EPHA6: variants seen among roughly 807,000 people sequenced by gnomAD.
EPHA6 encodes the protein ephrin type-A receptor 6.
A neutral mutation model predicts 112.0 loss-of-function variants in EPHA6; 50 were observed. The observed-to-expected ratio is 0.45, with a 90% CI of 0.36 to 0.56. The LOEUF (loss-of-function observed/expected upper bound fraction) is 0.56, where lower values mean the gene tolerates loss of function less well. Ranked by LOEUF, EPHA6 falls within the 20% of genes least tolerant of loss-of-function variation. The probability of loss-of-function intolerance (pLI) is 0.00; values close to 1 mark genes in which losing one functional copy is unlikely to be tolerated. For synonymous variants in EPHA6, 529 were observed against 490.7 expected, an observed-to-expected ratio of 1.08 and a Z score of -1.03; for missense variants, 1,280 against 1,417.4, an observed-to-expected ratio of 0.90 and a Z score of 1.56.
At chr3:96,952,945 G>T (rs1045735112) in intron 2 of EPHA6, among the ~76,000 whole-genome samples, 8 of 152,042 alleles carry the variant, frequency 5.3e-5, no homozygotes, top group Non-Finnish European at 1.0e-4. Flanking sequence ...GAAATAATCT[G>T]TTCAACAAAC....
chr3:97,029,808 G>A (rs1404930539), intron 3 of EPHA6, among the ~76,000 whole-genome samples: 2 of 152,054 alleles, frequency 1.3e-5, no homozygotes, highest in African/African-American at 4.8e-5. Context: ...AAATATGAAG[G>A]CACTATTTTT....
intron 5 of EPHA6, among the ~76,000 whole-genome samples, chr3:97,312,609 CA>C (rs1361533884): frequency 2.6e-5 from 4 of 151,496 alleles, no homozygotes; most frequent in African/African-American, 9.7e-5. Context: ...AAGGGATAAT[CA>C]ATCTATATAC....
intron 12 of EPHA6, among the ~76,000 whole-genome samples, chr3:97,596,777 C>CACAT (rs1325204644): frequency 9.4e-6 from 1 of 106,210 alleles, no homozygotes; most frequent in Non-Finnish European, 1.9e-5. Flanking sequence ...AACTCATATA[C>CACAT]ATATATATAT....
intron 5 of EPHA6, among the ~76,000 whole-genome samples, chr3:97,362,279 T>C (rs1465018867): frequency 1.3e-5 from 2 of 152,132 alleles, no homozygotes; most frequent in Non-Finnish European, 2.9e-5. Flanking sequence ...ATATTCAGTA[T>C]TGCCAATCAG....
rs2035864952 is a variant in EPHA6 at position 97,750,261 on chromosome 3, A to C, written c.*1560A>C. ...TGGTGCCCTACCTACCCTAATTCTC[A>C]AATTCCTATCTAAATTCATTTTTTG... On this transcript the variant is annotated 3_prime_UTR_variant, in exon 18 of 18. Transcript: ENST00000389672. Among the ~76,000 whole-genome samples the C allele has an allele frequency of 6.6e-6, 1 of 151,588 alleles. No individual in the cohort carries two copies. The highest frequency in any genetic ancestry group is 1.5e-5 in the Non-Finnish European group (1 of 67,924).
At chr3:96,930,259 A>T (rs1398165863) in intron 2 of EPHA6, among the ~76,000 whole-genome samples, 2 of 152,110 alleles carry the variant, frequency 1.3e-5, no homozygotes, top group African/African-American at 2.4e-5. Context: ...CTGAGCCCTT[A>T]CTGGAGAGGT....
chr3:96,974,258 AAC>A (rs2042433244), intron 2 of EPHA6, among the ~76,000 whole-genome samples: 1 of 148,480 alleles, frequency 6.7e-6, no homozygotes, highest in Non-Finnish European at 1.5e-5. Context: ...AAAATTTTAA[AAC>A]CTGGCTTTTT....
At chr3:96,884,437 C>T (rs2037503754) in intron 2 of EPHA6, among the ~76,000 whole-genome samples, 1 of 152,062 alleles carries the variant, frequency 6.6e-6, no homozygotes, top group Admixed American at 6.6e-5. Context: ...CTTTTGACTC[C>T]TTGGTTAGGT....
At chr3:97,577,656 T>C (rs1340369570) in intron 11 of EPHA6, among the ~76,000 whole-genome samples, 1 of 152,184 alleles carries the variant, frequency 6.6e-6, no homozygotes, top group African/African-American at 2.4e-5. Context: ...AGGTACCTCA[T>C]GACATAACCA....
chr3:96,929,173 A>G lies in EPHA6; in HGVS notation c.451-58157A>G, dbSNP rs566940392. Among the ~76,000 whole-genome samples, 14 of 152,324 alleles carry G rather than the reference A, an allele frequency of 9.2e-5. No homozygotes were observed. In the East Asian group the frequency reaches 2.7e-3, roughly 29 times the overall value. ...ACTGGAGCTCAAGTGGTTAGAGTTT[A>G]GGGCACCAAGTCCCACAGCCATTCT... On this transcript the variant is annotated intron_variant, in intron 2 of 17. Transcript: ENST00000389672.
At chr3:96,915,050 A>T (rs1023656188) in intron 2 of EPHA6, among the ~76,000 whole-genome samples, 2 of 150,228 alleles carry the variant, frequency 1.3e-5, no homozygotes, top group Non-Finnish European at 2.9e-5. Context: ...AAATAGTACC[A>T]TGATTGAATC....
chr3:96,916,587 A>G (rs1424503709), intron 2 of EPHA6, among the ~76,000 whole-genome samples: 2 of 152,136 alleles, frequency 1.3e-5, no homozygotes, highest in African/African-American at 4.8e-5. Flanking sequence ...CATAGAAAAA[A>G]ACAAGGAGCT....
At chr3:97,590,731 A>G (rs571911659) in intron 11 of EPHA6, among the ~76,000 whole-genome samples, 18 of 152,280 alleles carry the variant, frequency 1.2e-4, no homozygotes, top group Admixed American at 4.6e-4. Context: ...TTTTCACAGC[A>G]TATAATAAAA....
At chr3:97,107,379 T>G (rs1254904703) in intron 3 of EPHA6, among the ~76,000 whole-genome samples, 1 of 152,070 alleles carries the variant, frequency 6.6e-6, no homozygotes, top group Non-Finnish European at 1.5e-5. Flanking sequence ...TCATCCTGGA[T>G]GACAATGTCT....
At chr3:97,474,066 A>G (rs1393462550) in intron 7 of EPHA6, among the ~76,000 whole-genome samples, 1 of 151,804 alleles carries the variant, frequency 6.6e-6, no homozygotes, top group Non-Finnish European at 1.5e-5. Context: ...TGACTTGACA[A>G]TAGTGTTGAA....
At chr3:97,663,863 C>T (rs893514043) in intron 14 of EPHA6, among the ~76,000 whole-genome samples, 1 of 152,156 alleles carries the variant, frequency 6.6e-6, no homozygotes, top group Non-Finnish European at 1.5e-5. Flanking sequence ...AATGGGATGG[C>T]TGGGTCAAAT....
chr3:96,842,657 TA>T (rs1221872296), intron 1 of EPHA6, among the ~76,000 whole-genome samples: 1 of 152,086 alleles, frequency 6.6e-6, no homozygotes, highest in East Asian at 1.9e-4. Context: ...TTAATACCTT[TA>T]AGGGTTAATT....
intron 6 of EPHA6, among the ~76,000 whole-genome samples, chr3:97,435,902 C>A (rs1355823959): frequency 6.6e-6 from 1 of 152,158 alleles, no homozygotes; most frequent in East Asian, 1.9e-4. Flanking sequence ...AAACTATCTG[C>A]AGATATTTTC....
intron 3 of EPHA6, among the ~76,000 whole-genome samples, chr3:97,168,611 C>G (rs1195653807): frequency 8.0e-6 from 1 of 125,728 alleles, no homozygotes; most frequent in Non-Finnish European, 1.5e-5. Context: ...CTCTCTCTGT[C>G]TCTGTCTCTC....
Sources: allele counts gnomAD v4.1 joint callset (sites outside exome capture counted in the v4.1 genomes callset), GRCh38; gene constraint gnomAD v4.1.1; transcripts MANE v1.5; gene names NCBI Gene and HGNC (gene_info 2026-07-23, HGNC 2026-07-21).